The following UNC5C variants were observed in gnomAD, a reference collection of about 807,000 sequenced individuals.
The protein encoded by UNC5C is netrin receptor UNC5C.
UNC5C carries 47 observed loss-of-function variants against 99.8 expected under a neutral mutation model. The observed-to-expected ratio is 0.47, with a 90% CI of 0.37 to 0.60. UNC5C has a LOEUF of 0.60. UNC5C is among the 20% of genes least tolerant of loss of function. UNC5C has a pLI of 0.00. For synonymous variants in UNC5C, 487 were observed against 452.2 expected (o/e 1.08, Z -0.98); for missense variants, 1,062 against 1,165.9 (o/e 0.91, Z 1.30).
rs923755058 is a variant in UNC5C at position 95,168,440 on chromosome 4, T to C, written c.*794A>G. 1 of 152,412 alleles carries C rather than the reference T, an allele frequency of 6.6e-6. No homozygotes were observed. The highest frequency in any genetic ancestry group is 1.5e-5 in the Non-Finnish European group (1 of 67,994). 9.4% of individuals were successfully genotyped at this position (152,412 alleles called of 1,614,324 possible). On this transcript the variant is annotated 3_prime_UTR_variant, in exon 16 of 16. Transcript: ENST00000453304. ...ATACCTGTAAATAATAATAATACCT[T>C]TAAAAAAAAACACTTCATATTGCAT...
At chr4:95,385,225 CA>C (rs1426457092) in intron 1 of UNC5C, among the ~76,000 whole-genome samples, 1 of 152,132 alleles carries the variant, frequency 6.6e-6, no homozygotes, top group Non-Finnish European at 1.5e-5. Flanking sequence ...GTTCTAAGAA[CA>C]TAACTGTGCT....
intron 7 of UNC5C, chr4:95,222,127 A>T (rs1379376595): frequency 3.0e-6 from 3 of 999,950 alleles, no homozygotes; most frequent in East Asian, 5.6e-5. Context: ...GCACATCTGT[A>T]ATCCGAAGAA....
At chr4:95,371,432 G>T (rs1385871792) in intron 1 of UNC5C, among the ~76,000 whole-genome samples, 2 of 134,038 alleles carry the variant, frequency 1.5e-5, no homozygotes, top group African/African-American at 2.7e-5. Context: ...GTGGGGGGGG[G>T]GGAGTATCAA....
At chr4:95,404,495 GT>G (rs1027044421) in intron 1 of UNC5C, among the ~76,000 whole-genome samples, 1 of 152,162 alleles carries the variant, frequency 6.6e-6, no homozygotes, top group Non-Finnish European at 1.5e-5. Context: ...GATATAAATA[GT>G]TTTTTGCCTG....
At chr4:95,170,466 G>A in intron 14 of UNC5C, 134 bp from the exon 15 acceptor site, 2 of 1,082,470 alleles carry the variant, frequency 1.8e-6, no homozygotes, top group Non-Finnish European at 2.6e-6. Context: ...TAGGAAGAAT[G>A]GCTTCTTCTT....
intron 14 of UNC5C, among the ~76,000 whole-genome samples, chr4:95,181,031 C>T (rs887471872): frequency 1.3e-5 from 2 of 152,180 alleles, no homozygotes; most frequent in African/African-American, 4.8e-5. Context: ...TCCACACTCC[C>T]TCCTCTGCGC....
intron 1 of UNC5C, among the ~76,000 whole-genome samples, chr4:95,341,958 A>T (rs1743595952): frequency 6.6e-6 from 1 of 152,128 alleles, no homozygotes; most frequent in Non-Finnish European, 1.5e-5. Context: ...CAGAGGGAGC[A>T]TTTATACTGC....
intron 1 of UNC5C, among the ~76,000 whole-genome samples, chr4:95,390,439 T>C (rs1206896260): frequency 2.7e-5 from 4 of 150,290 alleles, no homozygotes; most frequent in African/African-American, 9.8e-5. Flanking sequence ...CCCAATGGTG[T>C]TCTATTTTAG....
intron 11 of UNC5C, among the ~76,000 whole-genome samples, chr4:95,204,167 A>G (rs1259592093): frequency 3.3e-5 from 5 of 152,392 alleles, no homozygotes; most frequent in African/African-American, 1.2e-4. Context: ...GTCATTAAAC[A>G]GTCTACTCTT....
chr4:95,348,246 C>CA (rs1377773513), intron 1 of UNC5C, among the ~76,000 whole-genome samples: 2 of 151,602 alleles, frequency 1.3e-5, no homozygotes, highest in Admixed American at 1.3e-4. Context: ...GACTTTTATT[C>CA]AAAAGACAGG....
chr4:95,349,449 C>A (rs1743906389), intron 1 of UNC5C, among the ~76,000 whole-genome samples: 1 of 148,176 alleles, frequency 6.7e-6, no homozygotes, highest in African/African-American at 2.5e-5. Context: ...TGCACACAAA[C>A]ATTGATGGTC....
intron 9 of UNC5C, among the ~76,000 whole-genome samples, chr4:95,218,425 A>T (rs1477730603): frequency 6.6e-6 from 1 of 152,212 alleles, no homozygotes; most frequent in Non-Finnish European, 1.5e-5. Flanking sequence ...GTGATTCTGG[A>T]TACAAATATC....
intron 7 of UNC5C, among the ~76,000 whole-genome samples, chr4:95,225,133 T>C (rs1738635052): frequency 6.6e-6 from 1 of 152,188 alleles, no homozygotes; most frequent in African/African-American, 2.4e-5. Context: ...CTCGGCTCAC[T>C]GCAACCTCCG....
chr4:95,493,039 C>A (rs986068469), intron 1 of UNC5C, among the ~76,000 whole-genome samples: 2 of 151,322 alleles, frequency 1.3e-5, no homozygotes, highest in Admixed American at 6.6e-5. Context: ...GATTATATGT[C>A]GGGATTCATG....
chr4:95,191,530 T>C (rs1737092441), intron 12 of UNC5C, among the ~76,000 whole-genome samples: 2 of 151,886 alleles, frequency 1.3e-5, no homozygotes, highest in South Asian at 4.1e-4. Context: ...GCCTACACCC[T>C]CTGCTCACCC....
chr4:95,197,270 T>G (rs1406691478), intron 12 of UNC5C, among the ~76,000 whole-genome samples: 1 of 151,602 alleles, frequency 6.6e-6, no homozygotes, highest in African/African-American at 2.4e-5. Flanking sequence ...ATAGCTCTCC[T>G]GGACTCATTC....
intron 1 of UNC5C, among the ~76,000 whole-genome samples, chr4:95,489,079 C>A: frequency 9.3e-6 from 1 of 107,752 alleles, no homozygotes; most frequent in Admixed American, 1.3e-4. Flanking sequence ...AGAGGGGAGG[C>A]AGGGAGAGAG....
At position 95,548,757 on chromosome 4, in the gene UNC5C, C is replaced by T. The variant is rs1723146689; in HGVS notation, c.101G>A (p.Ser34Asn). 6.2e-7 allele frequency: 1 copy of T among 1,613,098 alleles called. No individual in the cohort carries two copies. Among genetic ancestry groups the T allele is most frequent in the Non-Finnish European group, 8.5e-7 (1 of 1,179,768 alleles). ...VLPALALLSA[S>N]GTGSAAQDDD... Reference sequence around the variant, plus strand: ...ACCTTGGGCGGCGGAGCCAGTGCCGCTGGCGCTGAGCAGGGCCAGGGCAGG... The same window carrying T: ...ACCTTGGGCGGCGGAGCCAGTGCCGTTGGCGCTGAGCAGGGCCAGGGCAGG... Residue 34 changes from serine to asparagine, a missense_variant, in exon 1 of 16, where the codon AGC becomes AAC. By Grantham distance (46) the Ser-to-Asn change is conservative. Around this residue, in one of 3 missense-constraint regions of UNC5C, gnomAD observed 249 missense variants for 295.1 expected, o/e 0.84. Coordinates refer to ENST00000453304, the MANE Select transcript of UNC5C (RefSeq NM_003728.4).
intron 7 of UNC5C, among the ~76,000 whole-genome samples, chr4:95,232,081 C>T (rs1738933852): frequency 6.6e-6 from 1 of 152,038 alleles, no homozygotes; most frequent in Non-Finnish European, 1.5e-5. Context: ...ATGTAAATGT[C>T]TTATCTCATG....
Sources: gnomAD v4.1 joint callset for allele counts (sites outside exome capture counted in the v4.1 genomes callset) on GRCh38, gnomAD v4.1.1 for gene constraint, gnomAD v4.1.1 regional missense constraint, MANE v1.5 for transcripts, NCBI Gene and HGNC (gene_info 2026-07-23, HGNC 2026-07-21) for gene names.